FAM149A: variants seen among roughly 807,000 people sequenced by gnomAD.
FAM149A encodes family with sequence similarity 149 member A.
A neutral mutation model predicts 78.2 loss-of-function variants in FAM149A; 71 were observed. The observed-to-expected ratio is 0.91, with a 90% CI of 0.75 to 1.11. The LOEUF (loss-of-function observed/expected upper bound fraction) is 1.11. Ranked by LOEUF, FAM149A falls within the 50% of genes least tolerant of loss-of-function variation. The probability of loss-of-function intolerance (pLI) is 0.00; values close to 1 mark genes in which losing one functional copy is unlikely to be tolerated. For missense variants in FAM149A, 1,036 were observed against 971.0 expected, an observed-to-expected ratio of 1.07 and a Z score of -0.89; for synonymous variants, 446 against 410.5, an observed-to-expected ratio of 1.09 and a Z score of -1.04.
chr4:186,104,995 C>T lies in FAM149A; in HGVS notation c.-82C>T. Reference sequence around the variant, plus strand: ...GGGTGCGGGGACCTCAGGCTCCTCGCCCCGGCCCGGGCCGCCTCGGCCGGA... The same window carrying T: ...GGGTGCGGGGACCTCAGGCTCCTCGTCCCGGCCCGGGCCGCCTCGGCCGGA... On this transcript the variant is annotated 5_prime_UTR_variant, in exon 1 of 14. Transcript: ENST00000389354. 8.1e-7 allele frequency: 1 copy of T among 1,230,780 alleles called. No homozygotes were observed. The highest frequency in any genetic ancestry group is 1.4e-5 in the South Asian group (1 of 73,876). 76.2% of individuals were successfully genotyped at this position (1,230,780 alleles called of 1,614,324 possible). A position where few individuals can be genotyped will look rare whatever the true frequency, so the allele number is the denominator to read the frequency against.
intron 4 of FAM149A, among the ~76,000 whole-genome samples, chr4:186,152,558 T>TTTC (rs1271047221): frequency 3.7e-4 from 50 of 136,784 alleles, no homozygotes; most frequent in African/African-American, 1.3e-3. Flanking sequence ...TTTTTTTTTT[T>TTTC]TTTTGAGATG....
chr4:186,154,917 A>C (rs1733916245), intron 6 of FAM149A: 1 of 984,940 alleles, frequency 1.0e-6, no homozygotes, highest in Non-Finnish European at 1.2e-6. Context: ...CTGGCTGCCC[A>C]AAAGGGCCTA....
chr4:186,109,595 G>C, intron 1 of FAM149A: 1 of 985,032 alleles, frequency 1.0e-6, no homozygotes, highest in South Asian at 4.7e-5. Flanking sequence ...ATATGGAGGT[G>C]ATAATACTTT....
intron 1 of FAM149A, among the ~76,000 whole-genome samples, chr4:186,131,074 G>A (rs1359422786): frequency 3.9e-5 from 6 of 152,144 alleles, no homozygotes; most frequent in South Asian, 4.1e-4. Flanking sequence ...AAGGGCAGGC[G>A]CAGTGGCTCA....
At chr4:186,117,797 T>C in intron 1 of FAM149A, 2 of 811,148 alleles carry the variant, frequency 2.5e-6, no homozygotes, top group Non-Finnish European at 3.0e-6. Context: ...TAGGAAGCTC[T>C]AGGAATAAAC....
rs190858191 is a variant in FAM149A at position 186,121,633 on chromosome 4, G to C, written c.566+15991G>C. ...ATGTACGGAGACATTGATGGCAATT[G>C]ATATTCTGACGCACACAAACTTACT... On this transcript the variant is annotated intron_variant, in intron 1 of 13. Coordinates refer to ENST00000389354, the MANE Select transcript of FAM149A (RefSeq NM_001367768.3). Among the ~76,000 whole-genome samples, 34 of 152,230 alleles carry C rather than the reference G, an allele frequency of 2.2e-4. No homozygotes were observed. In the East Asian group the frequency reaches 6.6e-3, roughly 29 times the overall value.
rs373322529 is a variant in FAM149A, at chr4:186,160,588, CACACCACACACAT to C, written c.1576-2248_1576-2236del. Among the ~76,000 whole-genome samples the C allele has an allele frequency of 8.3e-3, 1,239 of 150,032 alleles. 18 individuals carry two copies. The highest frequency in any genetic ancestry group is 0.029 in the African/African-American group (1,171 of 40,764). On this transcript the variant is annotated intron_variant, in intron 8 of 13. Transcript: ENST00000389354. Reference sequence around the variant, plus strand: ...TACCACACACACCACATATCATACACACACCACACACATACACCACATGCATACACAACCCACA... The same window carrying C: ...TACCACACACACCACATATCATACACACACCACATGCATACACAACCCACA...
intron 1 of FAM149A, among the ~76,000 whole-genome samples, chr4:186,111,370 C>T (rs2099311216): frequency 6.6e-6 from 1 of 151,376 alleles, no homozygotes; most frequent in South Asian, 2.1e-4. Flanking sequence ...ATGGTAGTTT[C>T]TTTTGCTGTG....
intron 1 of FAM149A, among the ~76,000 whole-genome samples, chr4:186,134,275 A>G (rs962206649): frequency 6.6e-6 from 1 of 152,220 alleles, no homozygotes; most frequent in Non-Finnish European, 1.5e-5. Flanking sequence ...CTCAGAGATT[A>G]AACCTGAGCA....
Position 186,105,199 on chromosome 4 carries a change from C to T in FAM149A, c.123C>T (p.Gly41=), listed in dbSNP as rs983029970. 24 of 1,271,012 alleles carry T rather than the reference C, an allele frequency of 1.9e-5. No homozygotes were observed. Among genetic ancestry groups the T allele is most frequent in the Non-Finnish European group, 2.3e-5 (23 of 981,130 alleles). 78.7% of individuals were successfully genotyped at this position (1,271,012 alleles called of 1,614,324 possible). The change falls in exon 1 of 14, where the codon GGC becomes GGT. Residue 41 remains glycine (G), a synonymous_variant. Transcript: ENST00000389354. ...GTGCTGCCGCTGCAGGGTCGGGGGG[C>T]TCCAGGGCGGGCACCCCGTTGGGTA...
At position 186,172,743 on chromosome 4, in the gene FAM149A, A is replaced by G. The variant is rs1579950875; in HGVS notation, c.*756A>G. 1 of 112,022 alleles carries G rather than the reference A, an allele frequency of 8.9e-6. No homozygotes were observed. Among genetic ancestry groups the G allele is most frequent in the East Asian group, 2.2e-4 (1 of 4,490 alleles). 6.9% of individuals were successfully genotyped at this position (112,022 alleles called of 1,614,324 possible). A position where few individuals can be genotyped will look rare whatever the true frequency, so the allele number is the denominator to read the frequency against. On this transcript the variant is annotated 3_prime_UTR_variant, in exon 14 of 14. Coordinates refer to ENST00000389354, the MANE Select transcript of FAM149A (RefSeq NM_001367768.3). The stretch of plus-strand genomic sequence containing the variant: ...AGCCTCCCACCCTCCACGTGCCATC[A>G]GGAGCTGGCCTTTGCCCAGACGCCA...
chr4:186,116,804 A>C, intron 1 of FAM149A: 1 of 977,452 alleles, frequency 1.0e-6, no homozygotes, highest in Non-Finnish European at 1.2e-6. Context: ...TTTAAAGAAC[A>C]CATGTTGAGT....
intron 8 of FAM149A, 35 bp from the exon 9 acceptor site, chr4:186,162,807 ATTC>A (rs763439034): frequency 3.0e-6 from 3 of 994,174 alleles, no homozygotes; most frequent in South Asian, 1.5e-5. Flanking sequence ...GGCATTTGTA[ATTC>A]TTTTTTTTTT....
At chr4:186,127,045 C>G in intron 1 of FAM149A, 1 of 985,314 alleles carries the variant, frequency 1.0e-6, no homozygotes, top group Non-Finnish European at 1.2e-6. Context: ...GTGTTGCGGG[C>G]AGGACAGTTA....
chr4:186,142,925 A>G (rs999611153), intron 1 of FAM149A, among the ~76,000 whole-genome samples: 4 of 152,142 alleles, frequency 2.6e-5, no homozygotes, highest in South Asian at 2.1e-4. Context: ...TTATGGGGTA[A>G]TAGATATCTG....
intron 1 of FAM149A, chr4:186,110,309 TTAG>T: frequency 1.0e-6 from 1 of 982,074 alleles, no homozygotes; most frequent in Non-Finnish European, 1.2e-6. Flanking sequence ...TTTTCCAAAG[TTAG>T]TAATGCTTGC....
rs78668870 is a variant in FAM149A at position 186,108,737 on chromosome 4, T to C, written c.566+3095T>C. Among the ~76,000 whole-genome samples the C allele has an allele frequency of 5.3e-3, 800 of 152,280 alleles. 10 individuals are homozygous for C. The highest frequency in any genetic ancestry group is 0.018 in the African/African-American group (767 of 41,558). ...TTGGCTTCCCTGTCCATTTCATGTATATATTATGCCTCAGTGTTTTTCAGT... is the reference window on the plus strand; with the variant it reads ...TTGGCTTCCCTGTCCATTTCATGTACATATTATGCCTCAGTGTTTTTCAGT... On this transcript the variant is annotated intron_variant, in intron 1 of 13. Transcript: ENST00000389354.
At chr4:186,145,206 G>A in intron 1 of FAM149A, 1 of 949,490 alleles carries the variant, frequency 1.1e-6, no homozygotes. Flanking sequence ...CGTCTGGCCC[G>A]GGCTTCCCTG....
intron 1 of FAM149A, among the ~76,000 whole-genome samples, chr4:186,136,998 C>CTCTCTCTCTCTCTCTCTT (rs2099323529): frequency 1.4e-5 from 2 of 139,032 alleles, no homozygotes; most frequent in African/African-American, 5.3e-5. Flanking sequence ...CTCTCTCTCT[C>CTCTCTCTCTCTCTCTCTT]TCTCTCTCTC....
Sources: allele counts gnomAD v4.1 joint callset (sites outside exome capture counted in the v4.1 genomes callset), GRCh38; gene constraint gnomAD v4.1.1; transcripts MANE v1.5; gene names NCBI Gene and HGNC (gene_info 2026-07-23, HGNC 2026-07-21).